PTPRN2: variants seen among roughly 807,000 people sequenced by gnomAD.
PTPRN2 encodes the protein protein tyrosine phosphatase receptor type N2.
Under a neutral mutation model 118.8 loss-of-function variants are expected in PTPRN2, and 74 were observed. That is an observed-to-expected ratio of 0.62 (90% confidence interval 0.52 to 0.76). PTPRN2 has a LOEUF of 0.76. Ranked by LOEUF, PTPRN2 falls within the 30% of genes least tolerant of loss-of-function variation. The pLI is 0.00. For synonymous variants in PTPRN2, 641 were observed against 608.0 expected, an observed-to-expected ratio of 1.05 and a Z score of -0.80; for missense variants, 1,481 against 1,394.4, an observed-to-expected ratio of 1.06 and a Z score of -0.99.
At chr7:158,048,650 TATCACC>T (rs1809060020) in intron 11 of PTPRN2, among the ~76,000 whole-genome samples, 2 of 149,134 alleles carry the variant, frequency 1.3e-5, no homozygotes, top group South Asian at 2.2e-4. Context: ...ACCATCATCA[TATCACC>T]ATCACCATCA....
At chr7:157,589,572 T>A (rs1446538269) in intron 17 of PTPRN2, among the ~76,000 whole-genome samples, 1 of 152,204 alleles carries the variant, frequency 6.6e-6, no homozygotes, top group Non-Finnish European at 1.5e-5. Context: ...GCCTCCTCCC[T>A]AAGCGGCTTG....
At position 157,775,582 on chromosome 7, in the gene PTPRN2, G is replaced by A. The variant is rs566647156; in HGVS notation, c.1789-92645C>T. On this transcript the variant is annotated intron_variant, in intron 12 of 22. Transcript: ENST00000389418. ...GACACAGCAGCGCTGGGAAGGCTTC[G>A]TCCTCGGGAGCCGGCGCTCACATGC... Among the ~76,000 whole-genome samples the A allele has an allele frequency of 8.5e-5, 13 of 152,266 alleles. No individual in the cohort carries two copies. In the East Asian group the frequency reaches 1.2e-3, roughly 14 times the overall value.
chr7:158,264,883 C>T (rs1797768892), intron 3 of PTPRN2, among the ~76,000 whole-genome samples: 1 of 152,134 alleles, frequency 6.6e-6, no homozygotes, highest in Non-Finnish European at 1.5e-5. Flanking sequence ...GAGGAGCTGT[C>T]CCATGGAGTT....
At chr7:158,396,214 C>A (rs977952937) in intron 2 of PTPRN2, among the ~76,000 whole-genome samples, 2 of 152,192 alleles carry the variant, frequency 1.3e-5, no homozygotes, top group African/African-American at 4.8e-5. Flanking sequence ...GTTTTCTCAC[C>A]GTCATTGTCA....
At chr7:158,471,828 A>G (rs563621674) in intron 2 of PTPRN2, among the ~76,000 whole-genome samples, 65 of 152,338 alleles carry the variant, frequency 4.3e-4, no homozygotes, top group African/African-American at 1.5e-3. Flanking sequence ...GACTCTGACA[A>G]TTGGCGGGCG....
At chr7:158,496,112 C>T (rs768190523) in intron 1 of PTPRN2, among the ~76,000 whole-genome samples, 2 of 151,966 alleles carry the variant, frequency 1.3e-5, no homozygotes, top group East Asian at 1.9e-4. Context: ...GCGGCCTGGA[C>T]GGAAGCCAGC....
chr7:158,508,837 ACG>A lies in PTPRN2; in HGVS notation c.113-19054_113-19053del, dbSNP rs1822970033. On this transcript the variant is annotated intron_variant, in intron 1 of 22. Transcript: ENST00000389418. ...CTCTGCTCCTGTGGGTGTCGGGGCA[ACG>A]TGGGACGCTCGGAGCAGGTGCGGAA... is the stretch of plus-strand genomic sequence containing the variant. 1.0e-4 allele frequency among the ~76,000 whole-genome samples: 6 copies of A among 59,748 alleles called. 1 individual carries two copies. The highest frequency in any genetic ancestry group is 1.9e-4 in the Admixed American group (1 of 5,230). 39.2% of individuals were successfully genotyped at this position (59,748 alleles called of 152,430 possible). A position where few individuals can be genotyped will look rare whatever the true frequency, so the allele number is the denominator to read the frequency against.
chr7:157,768,476 A>G (rs1268020610), intron 12 of PTPRN2, among the ~76,000 whole-genome samples: 1 of 152,102 alleles, frequency 6.6e-6, no homozygotes. Context: ...TCCCGTTCCC[A>G]TATCCCGGCC....
intron 6 of PTPRN2, among the ~76,000 whole-genome samples, chr7:158,156,486 G>A (rs1019051034): frequency 6.6e-6 from 1 of 152,206 alleles, no homozygotes; most frequent in Non-Finnish European, 1.5e-5. Context: ...GGACTTCGGA[G>A]CTGCCCACAT....
rs571203457 is a variant in PTPRN2 at position 157,977,765 on chromosome 7, G to A, written c.1724-79028C>T. Among the ~76,000 whole-genome samples, 2 of 152,008 alleles carry A rather than the reference G, an allele frequency of 1.3e-5. No homozygotes were observed. The highest frequency in any genetic ancestry group is 2.9e-5 in the Non-Finnish European group (2 of 67,898). On this transcript the variant is annotated intron_variant, in intron 11 of 22. Transcript: ENST00000389418. The surrounding 1 kb of genome is among the most constrained non-coding windows in gnomAD (Gnocchi z 4.6). ...TCTGGTACCATCTCGAGAGGCTGCAGCAGGGACACTTGAAGATCTAGTGAC... is the reference window on the plus strand; with the variant it reads ...TCTGGTACCATCTCGAGAGGCTGCAACAGGGACACTTGAAGATCTAGTGAC...
chr7:158,254,163 G>C (rs1279380231), intron 3 of PTPRN2, among the ~76,000 whole-genome samples: 1 of 34,128 alleles, frequency 2.9e-5, no homozygotes, highest in East Asian at 1.0e-3. Flanking sequence ...GAGCATCCCT[G>C]TAACTGGACA....
Position 157,986,055 on chromosome 7 carries a change from C to T in PTPRN2, c.1724-87318G>A, listed in dbSNP as rs1803764905. 1.3e-5 allele frequency among the ~76,000 whole-genome samples: 2 copies of T among 152,212 alleles called. No individual in the cohort carries two copies. Among genetic ancestry groups the T allele is most frequent in the South Asian group, 2.1e-4 (1 of 4,832 alleles). The stretch of plus-strand genomic sequence containing the variant: ...CAAGAGAAAGGCCAGAACACAAACA[C>T]ACTTCCTGCTTCCAGATGGATGGAG... On this transcript the variant is annotated intron_variant, in intron 11 of 22. Coordinates refer to ENST00000389418, the MANE Select transcript of PTPRN2 (RefSeq NM_002847.5). This position sits in a 1 kb window ranked among gnomAD's most constrained non-coding sequence, Gnocchi z 4.5.
chr7:158,505,857 T>C (rs1003703649), intron 1 of PTPRN2, among the ~76,000 whole-genome samples: 2 of 152,192 alleles, frequency 1.3e-5, no homozygotes, highest in African/African-American at 4.8e-5. Flanking sequence ...TGAGCCCAAA[T>C]AGTGCCTGCC....
At chr7:158,295,000 T>G (rs12690719) in intron 3 of PTPRN2, among the ~76,000 whole-genome samples, 1 of 112,960 alleles carries the variant, frequency 8.9e-6, no homozygotes, top group Admixed American at 8.5e-5. Flanking sequence ...GCCCAGACAC[T>G]GCACCACCTT....
In PTPRN2 at chr7:158,489,928, C is replaced by A. The variant is rs1029711476; in HGVS notation, c.113-143G>T. On this transcript the variant is annotated intron_variant, in intron 1 of 22. Coordinates refer to ENST00000389418, the MANE Select transcript of PTPRN2 (RefSeq NM_002847.5). ...CCGACCCGGCTTTTCCGAGATGGGG[C>A]CGATTATTCTGAAGCCAGAACGCTG... 4.4e-5 allele frequency: 34 copies of A among 778,148 alleles called. No homozygotes were observed. In the African/African-American group the frequency reaches 4.5e-4, roughly 10 times the overall value. The allele number at this position is 778,148 out of a possible 1,614,324, so 48.2% of individuals were successfully genotyped here. A position where few individuals can be genotyped will look rare whatever the true frequency, so the allele number is the denominator to read the frequency against.
intron 9 of PTPRN2, among the ~76,000 whole-genome samples, chr7:158,126,676 G>C (rs964682894): frequency 2.0e-5 from 3 of 149,742 alleles, no homozygotes; most frequent in African/African-American, 7.5e-5. Flanking sequence ...AGGACAGCGG[G>C]CGGCGGAACT....
At chr7:157,814,319 G>A (rs1302724049) in intron 12 of PTPRN2, among the ~76,000 whole-genome samples, 8 of 152,168 alleles carry the variant, frequency 5.3e-5, no homozygotes, top group South Asian at 2.1e-4. Flanking sequence ...GAGCTCCCCC[G>A]GAGAAGGCCA....
chr7:158,139,267 G>A (rs1449630001), intron 6 of PTPRN2, among the ~76,000 whole-genome samples: 1 of 152,226 alleles, frequency 6.6e-6, no homozygotes, highest in African/African-American at 2.4e-5. Flanking sequence ...CTGCTCAGCA[G>A]AGTGGGGAAA....
At chr7:158,161,174 C>T (rs1822324729) in intron 6 of PTPRN2, among the ~76,000 whole-genome samples, 1 of 152,138 alleles carries the variant, frequency 6.6e-6, no homozygotes, top group African/African-American at 2.4e-5. Flanking sequence ...TTAATGAAAT[C>T]CCAGTCAAAA....
Sources: gnomAD v4.1 joint callset for allele counts (sites outside exome capture counted in the v4.1 genomes callset) on GRCh38, gnomAD v4.1.1 for gene constraint, Gnocchi (gnomAD v3.1) non-coding constraint, MANE v1.5 for transcripts, NCBI Gene and HGNC (gene_info 2026-07-23, HGNC 2026-07-21) for gene names.